The following SGSM3 variants were observed in gnomAD, a reference collection of about 807,000 sequenced individuals.
SGSM3 encodes small G protein signaling modulator 3.
Under a neutral mutation model 100.5 loss-of-function variants are expected in SGSM3, and 96 were observed. That is an observed-to-expected ratio of 0.96 (90% CI 0.81 to 1.13). SGSM3 has a LOEUF of 1.13. Among genes scored for constraint, SGSM3 ranks in the 50% most tolerant of loss-of-function variants. SGSM3 has a pLI of 0.00. For missense variants in SGSM3, 1,001 were observed against 1,015.8 expected (o/e 0.99, Z 0.20); for synonymous variants, 483 against 422.8 (o/e 1.14, Z -1.75).
chr22:40,387,534 A>G (rs2048676736), intron 1 of SGSM3: 2 of 238,262 alleles, frequency 8.4e-6, no homozygotes, highest in South Asian at 3.5e-4. Flanking sequence ...TAAATGTCTC[A>G]GTGGCCTTCT....
In SGSM3 at chr22:40,408,138, G is replaced by A; in HGVS notation, c.1629+18G>A. 1 of 1,482,916 alleles carries A rather than the reference G, an allele frequency of 6.7e-7. No individual in the cohort carries two copies. The highest frequency in any genetic ancestry group is 9.4e-7 in the Non-Finnish European group (1 of 1,061,542). 91.9% of individuals were successfully genotyped at this position (1,482,916 alleles called of 1,614,324 possible). A position where few individuals can be genotyped will look rare whatever the true frequency, so the allele number is the denominator to read the frequency against. ...GCAAAGAGGTGAGGGGGGTGGGCGG[G>A]CTAGGCACGGCTGGCACCCTTCTAG... On this transcript the variant is annotated intron_variant, in intron 15 of 21. Coordinates refer to ENST00000248929, the MANE Select transcript of SGSM3 (RefSeq NM_015705.6).
At chr22:40,396,677 A>C (rs2050096176) in intron 1 of SGSM3, among the ~76,000 whole-genome samples, 1 of 152,088 alleles carries the variant, frequency 6.6e-6, no homozygotes. Flanking sequence ...TCTGTAGAAA[A>C]CCATCTCTGT....
intron 1 of SGSM3, among the ~76,000 whole-genome samples, chr22:40,387,863 G>A (rs553425639): frequency 1.3e-5 from 2 of 152,330 alleles, no homozygotes; most frequent in African/African-American, 4.8e-5. Flanking sequence ...ACAGTTATGA[G>A]TGTGAGCAAG....
chr22:40,406,919 G>A (rs568807358), intron 10 of SGSM3, 98 bp from the exon 11 acceptor site: 67 of 1,225,738 alleles, frequency 5.5e-5, no homozygotes, highest in East Asian at 7.6e-5. Flanking sequence ...TGGAGCCAGC[G>A]TCAGAGGCTA....
At chr22:40,380,392 G>T (rs1391047098) in intron 1 of SGSM3, among the ~76,000 whole-genome samples, 1 of 146,878 alleles carries the variant, frequency 6.8e-6, no homozygotes, top group Admixed American at 6.8e-5. Context: ...CCTGAGACAG[G>T]GTCTCACTCT....
intron 4 of SGSM3, among the ~76,000 whole-genome samples, chr22:40,403,612 G>A (rs955055021): frequency 6.6e-6 from 1 of 152,230 alleles, no homozygotes; most frequent in African/African-American, 2.4e-5. Flanking sequence ...GGAGTGGAGA[G>A]AGCAAGAGGA....
At chr22:40,388,427 G>C (rs777120186) in intron 1 of SGSM3, 1 of 152,310 alleles carries the variant, frequency 6.6e-6, no homozygotes, top group Non-Finnish European at 1.5e-5. Context: ...CCAAGATAAC[G>C]TTGCCAAAGC....
At chr22:40,385,628 C>G (rs1445967205) in intron 1 of SGSM3, among the ~76,000 whole-genome samples, 1 of 152,078 alleles carries the variant, frequency 6.6e-6, no homozygotes, top group Non-Finnish European at 1.5e-5. Context: ...AGCTGAGCTT[C>G]GTTAAAGCTG....
chr22:40,405,097 G>C (rs758612571), intron 6 of SGSM3, 44 bp from the exon 7 acceptor site: 2 of 1,467,778 alleles, frequency 1.4e-6, no homozygotes, highest in East Asian at 5.0e-5. Context: ...CTCCCAGGGT[G>C]TCACAAGGTC....
chr22:40,394,946 CTG>C (rs1397057163), intron 1 of SGSM3, among the ~76,000 whole-genome samples: 1 of 152,102 alleles, frequency 6.6e-6, no homozygotes, highest in Non-Finnish European at 1.5e-5. Context: ...TATTTATTGT[CTG>C]TTTTCTGTAA....
At chr22:40,394,156 G>A (rs757601415) in intron 1 of SGSM3, among the ~76,000 whole-genome samples, 2 of 152,108 alleles carry the variant, frequency 1.3e-5, no homozygotes, top group Non-Finnish European at 2.9e-5. Flanking sequence ...TGTTTCCAAC[G>A]TTTACATTTC....
At chr22:40,408,196 G>A (rs777614707) in intron 15 of SGSM3, 76 bp downstream of exon 15, 114 of 1,607,124 alleles carry the variant, frequency 7.1e-5, no homozygotes, top group Non-Finnish European at 9.2e-5. Context: ...GTCCTGGCCT[G>A]TAGCATGGCA....
intron 4 of SGSM3, among the ~76,000 whole-genome samples, chr22:40,403,548 G>T (rs1452206747): frequency 6.6e-6 from 1 of 152,158 alleles, no homozygotes; most frequent in Admixed American, 6.5e-5. Flanking sequence ...GAGAAGAGGG[G>T]CAGTAAATCA....
rs747250196 is a variant in SGSM3, at chr22:40,409,302, G to T, written c.2041G>T (p.Val681Leu). The T allele has an allele frequency of 1.4e-5, 23 of 1,612,986 alleles. No homozygotes were observed. Among genetic ancestry groups the T allele is most frequent in the Non-Finnish European group, 1.9e-5 (23 of 1,179,902 alleles). ...GGTGCTCTGCTCCAGCCTGCCCACC[G>T]TGGAGAAGTGGTACCAGCCCTGGTC... ...LEVLCSSLPT[V>L]EKWYQPWSFL... Residue 681 changes from valine to leucine, a missense_variant, in exon 20 of 22, where the codon GTG (valine) becomes TTG (leucine). By Grantham distance (32) the Val-to-Leu change is conservative. Transcript: ENST00000248929.
In SGSM3 at chr22:40,401,671, CGCAGGTATA is replaced by C; in HGVS notation, c.90+1_90+9del. ...CCCCAGGAGATCTTGGCCAAGTACACGCAGGTATAGCAGTTAGCCAGGCACCAGCCTGCT... is the reference window on the plus strand; with the variant it reads ...CCCCAGGAGATCTTGGCCAAGTACACGCAGTTAGCCAGGCACCAGCCTGCT... On this transcript the variant is annotated splice_donor_variant and splice_donor_5th_base_variant and coding_sequence_variant and intron_variant, in exon 3 of 22. Coordinates refer to ENST00000248929, the MANE Select transcript of SGSM3 (RefSeq NM_015705.6). LOFTEE classifies it high-confidence loss of function. 1 of 1,612,284 alleles carries C rather than the reference CGCAGGTATA, an allele frequency of 6.2e-7. No individual in the cohort carries two copies. The highest frequency in any genetic ancestry group is 8.5e-7 in the Non-Finnish European group (1 of 1,178,794).
intron 4 of SGSM3, among the ~76,000 whole-genome samples, chr22:40,402,477 C>T (rs1228181604): frequency 6.6e-6 from 1 of 152,194 alleles, no homozygotes; most frequent in Non-Finnish European, 1.5e-5. Context: ...TGGTGGCTCA[C>T]GCCTGTAATC....
intron 1 of SGSM3, chr22:40,372,900 C>T (rs1168069304): frequency 1.3e-5 from 2 of 152,220 alleles, no homozygotes; most frequent in African/African-American, 2.4e-5. Flanking sequence ...TGTTATTCAG[C>T]TGGTGACGTC....
intron 1 of SGSM3, among the ~76,000 whole-genome samples, chr22:40,381,356 C>T (rs998407880): frequency 6.6e-6 from 1 of 152,010 alleles, no homozygotes; most frequent in African/African-American, 2.4e-5. Flanking sequence ...ACTATGTTGC[C>T]GAGGCTGGTC....
intron 1 of SGSM3, among the ~76,000 whole-genome samples, chr22:40,386,558 CTTACT>C (rs1268447784): frequency 3.0e-5 from 2 of 66,610 alleles, no homozygotes; most frequent in African/African-American, 1.0e-4. Context: ...GTCCAATTTT[CTTACT>C]TTTTTTTTTT....
Sources: allele counts gnomAD v4.1 joint callset (sites outside exome capture counted in the v4.1 genomes callset), GRCh38; gene constraint gnomAD v4.1.1; transcripts MANE v1.5; gene names NCBI Gene and HGNC (gene_info 2026-07-23, HGNC 2026-07-21).